ABCC2: variants seen among roughly 807,000 people sequenced by gnomAD.
ABCC2 encodes the protein ATP-binding cassette sub-family C member 2.
In ABCC2, 157 loss-of-function variants were observed where a neutral mutation model predicts 173.4. The observed-to-expected ratio is 0.91, with a 90% CI of 0.80 to 1.03. The LOEUF is 1.03. ABCC2 is among the 50% of genes least tolerant of loss of function. The probability of loss-of-function intolerance (pLI) is 0.00; values close to 1 mark genes in which losing one functional copy is unlikely to be tolerated. For missense variants in ABCC2, 1,822 were observed against 1,852.3 expected, an observed-to-expected ratio of 0.98 and a Z score of 0.30; for synonymous variants, 657 against 693.5, an observed-to-expected ratio of 0.95 and a Z score of 0.83.
chr10:99,795,789 A>T (rs146275705), intron 6 of ABCC2, among the ~76,000 whole-genome samples: 14,782 of 120,366 alleles, frequency 0.12, 1,095 homozygotes, highest in Middle Eastern at 0.19. Context: ...GAAAGAAAGA[A>T]AGAAAGAAAG....
intron 16 of ABCC2, among the ~76,000 whole-genome samples, chr10:99,814,615 A>G (rs1415661109): frequency 9.9e-6 from 1 of 100,636 alleles, no homozygotes; most frequent in Non-Finnish European, 2.1e-5. Context: ...ATGTGTATAT[A>G]CACATATACA....
chr10:99,782,931 GTAGT>G (rs1298810767), intron 1 of ABCC2, 54 bp downstream of exon 1: 14 of 1,591,378 alleles, frequency 8.8e-6, no homozygotes, highest in Non-Finnish European at 1.1e-5. Context: ...AGAACAAGTG[GTAGT>G]TAGTTAACTT....
intron 17 of ABCC2, among the ~76,000 whole-genome samples, chr10:99,817,853 A>G (rs1034634587): frequency 1.3e-5 from 2 of 152,196 alleles, no homozygotes; most frequent in African/African-American, 4.8e-5. Context: ...CCAGAGGAAG[A>G]TTCTACTAAT....
At chr10:99,826,546 G>A (rs1398380190) in intron 19 of ABCC2, among the ~76,000 whole-genome samples, 1 of 150,866 alleles carries the variant, frequency 6.6e-6, no homozygotes, top group East Asian at 2.0e-4. Flanking sequence ...CAGGCTCTAA[G>A]GCAGATAGCT....
At position 99,793,893 on chromosome 10, in the gene ABCC2, G is replaced by T. The variant is rs140550051; in HGVS notation, c.470G>T (p.Gly157Val). The change falls in exon 5 of 32, where the codon GGT becomes GTT. Residue 157 changes from glycine (G) to valine (V), a missense_variant and splice_region_variant. Gly to Val is a moderately radical substitution (Grantham distance 109, BLOSUM62 -3). Coordinates refer to ENST00000647814, the MANE Select transcript of ABCC2 (RefSeq NM_000392.5). ...TCCTCTTTGTTTTTTTCCTCATAGG[G>T]TGACAATTCTAATCTAGCCTACTCC... is the stretch of plus-strand genomic sequence containing the variant. ...FQTLIRTLLQ[G>V]DNSNLAYSCL... 8.1e-6 allele frequency: 13 copies of T among 1,612,548 alleles called. No homozygotes were observed. Among genetic ancestry groups the T allele is most frequent in the African/African-American group, 8.0e-5 (6 of 74,836 alleles).
rs1262594545 is a variant in ABCC2, at chr10:99,797,169, C to T, written c.705C>T (p.Thr235=). Residue 235 remains threonine, a synonymous_variant, in exon 7 of 32, where the codon ACC becomes ACT. Coordinates refer to ENST00000647814, the MANE Select transcript of ABCC2 (RefSeq NM_000392.5). ...DVWEVDEEMK[T]KTLVSKFETH... ...GGGAAGTTGATGAAGAGATGAAAAC[C>T]AAGACATTAGTGAGCAAGTTTGAAA... The T allele has an allele frequency of 2.5e-5, 40 of 1,613,966 alleles. No homozygotes were observed. Among genetic ancestry groups the T allele is most frequent in the Non-Finnish European group, 3.1e-5 (37 of 1,180,004 alleles).
At chr10:99,823,061 T>C (rs1291602309) in intron 19 of ABCC2, among the ~76,000 whole-genome samples, 8 of 152,198 alleles carry the variant, frequency 5.3e-5, no homozygotes, top group South Asian at 2.1e-4. Context: ...CATGAACATA[T>C]GATAATTTTC....
rs1016499468 is a variant in ABCC2, at chr10:99,804,120, C to A, written c.1311C>A (p.Phe437Leu). Residue 437 changes from phenylalanine (F) to leucine (L), a missense_variant, in exon 10 of 32, where the codon TTC (phenylalanine) becomes TTA (leucine). Coordinates refer to ENST00000647814, the MANE Select transcript of ABCC2 (RefSeq NM_000392.5). ...AGAAGCTCATGGATGTGACCAACTT[C>A]ATGCACATGCTGTGGTCAAGTGTTC... is the stretch of plus-strand genomic sequence containing the variant. ...DAQKLMDVTN[F>L]MHMLWSSVLQ... The A allele has an allele frequency of 6.2e-7, 1 of 1,614,158 alleles. No individual in the cohort carries two copies. Among genetic ancestry groups the A allele is most frequent in the Admixed American group, 1.7e-5 (1 of 60,022 alleles).
rs916369627 is a variant in ABCC2 at position 99,793,739 on chromosome 10, C to T, written c.468+54C>T. 6.8e-6 allele frequency: 11 copies of T among 1,610,800 alleles called. No individual in the cohort carries two copies. In the African/African-American group the frequency reaches 1.3e-4, roughly 20 times the overall value. Reference sequence around the variant, plus strand: ...GGAGGTACCATGGGGCAACCTCTAACTCATAGTAAATGGCATCAAGTTGAG... The same window carrying T: ...GGAGGTACCATGGGGCAACCTCTAATTCATAGTAAATGGCATCAAGTTGAG... On this transcript the variant is annotated intron_variant, in intron 4 of 31. Coordinates refer to ENST00000647814, the MANE Select transcript of ABCC2 (RefSeq NM_000392.5).
At chr10:99,814,135 ATATATACACACATGTATG>A (rs1183011984) in intron 16 of ABCC2, among the ~76,000 whole-genome samples, 1 of 82,444 alleles carries the variant, frequency 1.2e-5, no homozygotes, top group East Asian at 5.3e-4. Context: ...ATATGTGTGT[ATATATACACACATGTATG>A]TATACACACG....
At position 99,791,277 on chromosome 10, in the gene ABCC2, G is replaced by A. The variant is rs556009928; in HGVS notation, c.208-957G>A. 3.0e-4 allele frequency among the ~76,000 whole-genome samples: 46 copies of A among 152,090 alleles called. No homozygotes were observed. The South Asian group carries it at 6.6e-3, about 22-fold the overall frequency. ...ACAAAAATTAGCCAGGTGTGGTGGC[G>A]CACACTTGTAATCCCAGCTACTCGG... On this transcript the variant is annotated intron_variant, in intron 2 of 31. Transcript: ENST00000647814.
In ABCC2 at chr10:99,808,171, T is replaced by C. The variant is rs748389017; in HGVS notation, c.1757T>C (p.Phe586Ser). The change falls in exon 13 of 32, where the codon TTC becomes TCC. Residue 586 changes from phenylalanine to serine, a missense_variant. By Grantham distance (155) the Phe-to-Ser change is radical. Transcript: ENST00000647814. ...AAGGCCTTCACCTCCATTACCCTCT[T>C]CAATATCCTGCGCTTTCCCCTGAGC... Reference protein sequence around the residue: ...AQKAFTSITLFNILRFPLSML... With the variant: ...AQKAFTSITLSNILRFPLSML... 1 of 1,614,142 alleles carries C rather than the reference T, an allele frequency of 6.2e-7. No individual in the cohort carries two copies. Among genetic ancestry groups the C allele is most frequent in the Admixed American group, 1.7e-5 (1 of 60,014 alleles).
rs1564704261 is a variant in ABCC2, at chr10:99,851,628, C to G, written c.4635C>G (p.Phe1545Leu). The change falls in exon 32 of 32, where the codon TTC (phenylalanine) becomes TTG (leucine). Residue 1545 changes from phenylalanine to leucine, a missense_variant. Coordinates refer to ENST00000647814, the MANE Select transcript of ABCC2 (RefSeq NM_000392.5). ...AGIENVNSTK[F>L] The stretch of plus-strand genomic sequence containing the variant: ...TTGAGAATGTGAACAGCACAAAATT[C>G]TAGCAGAAGGCCCCATGGGTTAGAA... 1.2e-6 allele frequency: 2 copies of G among 1,613,948 alleles called. No individual in the cohort carries two copies. The highest frequency in any genetic ancestry group is 8.5e-7 in the Non-Finnish European group (1 of 1,179,964).
chr10:99,831,839 G>C lies in ABCC2; in HGVS notation c.3103+9G>C, dbSNP rs2038745137. On this transcript the variant is annotated intron_variant, in intron 22 of 31. Coordinates refer to ENST00000647814, the MANE Select transcript of ABCC2 (RefSeq NM_000392.5). ...TCTGGGATTAGCCCAAGGTATGTCT[G>C]ATGGCTATGACATCTTACAGAATCT... 6.2e-7 allele frequency: 1 copy of C among 1,613,654 alleles called. No homozygotes were observed. Among genetic ancestry groups the C allele is most frequent in the African/African-American group, 1.3e-5 (1 of 74,922 alleles).
At chr10:99,822,241 G>C (rs1353285861) in intron 19 of ABCC2, among the ~76,000 whole-genome samples, 1 of 152,144 alleles carries the variant, frequency 6.6e-6, no homozygotes, top group Non-Finnish European at 1.5e-5. Flanking sequence ...AATCATCAAG[G>C]CTGCAAGCAG....
At chr10:99,789,741 AAAAG>A (rs1271448244) in intron 2 of ABCC2, among the ~76,000 whole-genome samples, 1 of 128,556 alleles carries the variant, frequency 7.8e-6, no homozygotes, top group Non-Finnish European at 1.6e-5. Context: ...AAGGAAAAGA[AAAAG>A]AAAGAAAAGG....
Position 99,785,902 on chromosome 10 carries a change from G to A in ABCC2, c.207+1121G>A, listed in dbSNP as rs12253129. ...ACTAGCATACCTAACAATGACTCAG[G>A]TTACCTGGAATCTTAAAGGAGGAAA... On this transcript the variant is annotated intron_variant, in intron 2 of 31. Transcript: ENST00000647814. Among the ~76,000 whole-genome samples the A allele has an allele frequency of 4.0e-3, 603 of 152,068 alleles. 4 individuals carry two copies. Among genetic ancestry groups the A allele is most frequent in the African/African-American group, 0.014 (561 of 41,478 alleles).
intron 7 of ABCC2, 103 bp downstream of exon 7, chr10:99,797,434 C>G: frequency 1.0e-6 from 1 of 958,554 alleles, no homozygotes; most frequent in Non-Finnish European, 1.6e-6. Context: ...GCACTTCATA[C>G]TTCTCAGTGC....
At chr10:99,800,642 G>A in intron 9 of ABCC2, 79 bp downstream of exon 9, 3 of 1,512,818 alleles carry the variant, frequency 2.0e-6, no homozygotes, top group African/African-American at 2.7e-5. Context: ...TGAGGAAAAT[G>A]TGATGGAAAT....
Sources: allele counts gnomAD v4.1 joint callset (sites outside exome capture counted in the v4.1 genomes callset), GRCh38; gene constraint gnomAD v4.1.1; transcripts MANE v1.5; gene names NCBI Gene and HGNC (gene_info 2026-07-23, HGNC 2026-07-21).